The following IGF2BP3 variants were observed in gnomAD, a reference collection of about 807,000 sequenced individuals.
IGF2BP3 encodes the protein insulin like growth factor 2 mRNA binding protein 3.
Under a neutral mutation model 73.8 loss-of-function variants are expected in IGF2BP3, and 9 were observed. The observed-to-expected ratio is 0.12, with a 90% CI of 0.07 to 0.21. IGF2BP3 has a LOEUF of 0.21. IGF2BP3 is among the 10% of genes least tolerant of loss of function. The pLI is 1.00. For synonymous variants in IGF2BP3, 258 were observed against 256.7 expected (o/e 1.01, Z -0.05); for missense variants, 542 against 714.0 (o/e 0.76, Z 2.75).
At chr7:23,445,828 C>G (rs1788052408) in intron 2 of IGF2BP3, among the ~76,000 whole-genome samples, 1 of 152,156 alleles carries the variant, frequency 6.6e-6, no homozygotes, top group Non-Finnish European at 1.5e-5. Flanking sequence ...AGGGCAGTAT[C>G]TGAATTTAAG....
intron 2 of IGF2BP3, among the ~76,000 whole-genome samples, chr7:23,453,009 G>T (rs1461358092): frequency 6.6e-6 from 1 of 152,024 alleles, no homozygotes; most frequent in Admixed American, 6.6e-5. Context: ...CTACTCTGGA[G>T]GCTGAGGCAC....
At chr7:23,396,753 G>C (rs1786487849) in intron 3 of IGF2BP3, among the ~76,000 whole-genome samples, 1 of 152,138 alleles carries the variant, frequency 6.6e-6, no homozygotes, top group African/African-American at 2.4e-5. Context: ...TATGCAAAAA[G>C]TCCTGAAGCT....
intron 3 of IGF2BP3, among the ~76,000 whole-genome samples, chr7:23,411,489 G>T (rs1475836746): frequency 6.6e-6 from 1 of 152,206 alleles, no homozygotes; most frequent in African/African-American, 2.4e-5. Flanking sequence ...GGCTGAGGCG[G>T]AGAATGGCTT....
At chr7:23,442,268 G>A (rs763066601) in intron 2 of IGF2BP3, among the ~76,000 whole-genome samples, 2 of 152,186 alleles carry the variant, frequency 1.3e-5, no homozygotes, top group Non-Finnish European at 2.9e-5. Context: ...TTTCAAGTAA[G>A]CAATGGAAAT....
intron 3 of IGF2BP3, among the ~76,000 whole-genome samples, chr7:23,370,157 A>G (rs1785502025): frequency 6.6e-6 from 1 of 152,164 alleles, no homozygotes. Context: ...AAAACTGGGT[A>G]AAGTACCTCT....
chr7:23,398,689 T>G (rs993086233), intron 3 of IGF2BP3, among the ~76,000 whole-genome samples: 1 of 152,234 alleles, frequency 6.6e-6, no homozygotes, highest in Non-Finnish European at 1.5e-5. Context: ...TTTCATGTGC[T>G]TTTTGGCTGC....
chr7:23,417,718 A>G (rs1274315965), intron 3 of IGF2BP3, among the ~76,000 whole-genome samples: 1 of 152,220 alleles, frequency 6.6e-6, no homozygotes, highest in African/African-American at 2.4e-5. Context: ...TTGCTATTAC[A>G]ACACTTGAGG....
Position 23,415,431 on chromosome 7 carries a change from C to T in IGF2BP3, c.285+3345G>A, listed in dbSNP as rs192240112. On this transcript the variant is annotated intron_variant, in intron 3 of 14. Coordinates refer to ENST00000258729, the MANE Select transcript of IGF2BP3 (RefSeq NM_006547.3). ...CATCCGCAGGTCCCCCTCCGTCAGC[C>T]GGCATCACCGCATCCGCAGGTCCCC... The T allele has an allele frequency of 1.6e-3, 314 of 193,400 alleles. 5 individuals are homozygous for T. The highest frequency in any genetic ancestry group is 0.015 in the South Asian group (242 of 15,738). 12.0% of individuals were successfully genotyped at this position (193,400 alleles called of 1,614,324 possible).
chr7:23,358,447 T>C (rs556565697), intron 5 of IGF2BP3, among the ~76,000 whole-genome samples: 449 of 152,264 alleles, frequency 2.9e-3, no homozygotes, highest in Non-Finnish European at 5.3e-3. Flanking sequence ...TTGGAACCCA[T>C]GGAGCAGGCC....
intron 2 of IGF2BP3, among the ~76,000 whole-genome samples, chr7:23,453,791 G>T (rs2128549354): frequency 6.6e-6 from 1 of 152,272 alleles, no homozygotes; most frequent in African/African-American, 2.4e-5. Context: ...GGCAGAAAAT[G>T]TCATTATCGT....
intron 3 of IGF2BP3, among the ~76,000 whole-genome samples, chr7:23,392,445 T>TAC (rs1490722516): frequency 2.7e-5 from 4 of 148,642 alleles, no homozygotes; most frequent in Non-Finnish European, 5.9e-5. Context: ...TATATATATA[T>TAC]ATATATACAC....
chr7:23,400,704 T>C (rs994074032), intron 3 of IGF2BP3, among the ~76,000 whole-genome samples: 4 of 152,256 alleles, frequency 2.6e-5, no homozygotes, highest in Non-Finnish European at 5.9e-5. Context: ...CATAAATACC[T>C]ACACAAGCAC....
chr7:23,464,766 A>G (rs1788526711), intron 2 of IGF2BP3, among the ~76,000 whole-genome samples: 1 of 151,814 alleles, frequency 6.6e-6, no homozygotes, highest in Admixed American at 6.6e-5. Context: ...AGAAAAAGGT[A>G]AAGGATCCTG....
At chr7:23,371,964 C>T (rs1054187164) in intron 3 of IGF2BP3, among the ~76,000 whole-genome samples, 1 of 152,022 alleles carries the variant, frequency 6.6e-6, no homozygotes, top group Non-Finnish European at 1.5e-5. Context: ...AAGGGGCTTA[C>T]GTTATGTTTC....
At chr7:23,368,249 C>T (rs1785436645) in intron 3 of IGF2BP3, among the ~76,000 whole-genome samples, 1 of 150,304 alleles carries the variant, frequency 6.7e-6, no homozygotes, top group Non-Finnish European at 1.5e-5. Context: ...ATACATGCTG[C>T]AACAGACAGA....
In IGF2BP3 at chr7:23,342,266, T is replaced by C. The variant is rs1407006509; in HGVS notation, c.1078-77A>G. On this transcript the variant is annotated intron_variant, in intron 9 of 14. Coordinates refer to ENST00000258729, the MANE Select transcript of IGF2BP3 (RefSeq NM_006547.3). The stretch of plus-strand genomic sequence containing the variant: ...AGTGAGCATTTTTAAGTGACAGTAT[T>C]CAAACTGATCTCTTGTCTAATAAAG... 4.1e-6 allele frequency: 6 copies of C among 1,460,504 alleles called. No individual in the cohort carries two copies. In the East Asian group the frequency reaches 1.4e-4, roughly 34 times the overall value. 90.5% of individuals were successfully genotyped at this position (1,460,504 alleles called of 1,614,324 possible). A position where few individuals can be genotyped will look rare whatever the true frequency, so the allele number is the denominator to read the frequency against.
At position 23,450,311 on chromosome 7, in the gene IGF2BP3, C is replaced by T. The variant is rs79692172; in HGVS notation, c.236+18171G>A. Among the ~76,000 whole-genome samples the T allele has an allele frequency of 1.8e-3, 270 of 152,232 alleles. 2 individuals carry two copies. Among genetic ancestry groups the T allele is most frequent in the Non-Finnish European group, 2.7e-3 (181 of 68,014 alleles). Reference sequence around the variant, plus strand: ...GTTGCAAGACGAACCAGTCAAGCACCGTTTCTACCTGAAGAACTAGAAGCA... The same window carrying T: ...GTTGCAAGACGAACCAGTCAAGCACTGTTTCTACCTGAAGAACTAGAAGCA... On this transcript the variant is annotated intron_variant, in intron 2 of 14. Coordinates refer to ENST00000258729, the MANE Select transcript of IGF2BP3 (RefSeq NM_006547.3).
rs137980763 is a variant in IGF2BP3 at position 23,399,347 on chromosome 7, A to G, written c.285+19429T>C. Among the ~76,000 whole-genome samples the G allele has an allele frequency of 7.0e-3, 1,071 of 152,060 alleles. 29 individuals carry two copies. The East Asian group carries it at 0.085, about 12-fold the overall frequency. ...AACATGGCACATGTATACATATGTA[A>G]CCTGCACATTGTGCACATGTACCCT... On this transcript the variant is annotated intron_variant, in intron 3 of 14. Coordinates refer to ENST00000258729, the MANE Select transcript of IGF2BP3 (RefSeq NM_006547.3).
chr7:23,442,380 A>G (rs1200270437), intron 2 of IGF2BP3, among the ~76,000 whole-genome samples: 2 of 150,788 alleles, frequency 1.3e-5, no homozygotes, highest in African/African-American at 4.9e-5. Context: ...AAGGTCAATA[A>G]CATAGAATAA....
Sources: gnomAD v4.1 joint callset for allele counts (sites outside exome capture counted in the v4.1 genomes callset) on GRCh38, gnomAD v4.1.1 for gene constraint, MANE v1.5 for transcripts, NCBI Gene and HGNC (gene_info 2026-07-23, HGNC 2026-07-21) for gene names.